The following SCHIP1 variants were observed in gnomAD, a reference collection of about 807,000 sequenced individuals.
SCHIP1 encodes the protein schwannomin-interacting protein 1.
SCHIP1 carries 8 observed loss-of-function variants against 29.7 expected under a neutral mutation model. That is an observed-to-expected ratio of 0.27 (90% CI 0.16 to 0.49). The LOEUF is 0.49. Among genes scored for constraint, SCHIP1 ranks in the 20% least tolerant of loss-of-function variants. The pLI, the probability that SCHIP1 is intolerant of heterozygous loss-of-function variation, is 0.99. For synonymous variants in SCHIP1, 76 were observed against 94.9 expected, an observed-to-expected ratio of 0.80 and a Z score of 1.16; for missense variants, 193 against 294.6, an observed-to-expected ratio of 0.66 and a Z score of 2.52.
At chr3:159,505,252 C>T in the SCHIP1 span, among the ~76,000 whole-genome samples, 1 of 152,108 alleles carries the variant, frequency 6.6e-6, no homozygotes, top group African/African-American at 2.4e-5. Context: ...CGTCAGCCTG[C>T]TTAAACATTT....
At chr3:159,471,819 A>G in the SCHIP1 span, among the ~76,000 whole-genome samples, 2 of 152,170 alleles carry the variant, frequency 1.3e-5, no homozygotes, top group Non-Finnish European at 2.9e-5. Flanking sequence ...CAACTTATGG[A>G]ACCATTTTAA....
chr3:159,600,386 C>G, the SCHIP1 span, among the ~76,000 whole-genome samples: 3 of 152,162 alleles, frequency 2.0e-5, no homozygotes, highest in Non-Finnish European at 4.4e-5. Flanking sequence ...TTTGCTCATA[C>G]TTTTTCATCA....
At chr3:159,347,029 T>C in the SCHIP1 span, among the ~76,000 whole-genome samples, 7 of 147,454 alleles carry the variant, frequency 4.7e-5, no homozygotes, top group Admixed American at 1.4e-4. Flanking sequence ...TTATTTTTTT[T>C]CCGCAGCTTC....
chr3:159,627,744 G>A, the SCHIP1 span, among the ~76,000 whole-genome samples: 2 of 152,322 alleles, frequency 1.3e-5, no homozygotes, highest in South Asian at 2.1e-4. Context: ...AAAATCTACT[G>A]GAGGGTTTCT....
the SCHIP1 span, among the ~76,000 whole-genome samples, chr3:159,806,110 A>G: frequency 5.9e-5 from 9 of 152,290 alleles, no homozygotes; most frequent in South Asian, 4.1e-4. Context: ...CGCCTGGCCA[A>G]TTGTATTCCT....
At chr3:159,680,657 TATAAAATATATATTATATATATA>T in the SCHIP1 span, among the ~76,000 whole-genome samples, 1 of 72,386 alleles carries the variant, frequency 1.4e-5, no homozygotes, top group African/African-American at 7.6e-5. Flanking sequence ...TATATGTATA[TATAAAATATATATTATATATATA>T]ATATATGTAT....
At chr3:159,395,896 A>ATCTG in the SCHIP1 span, among the ~76,000 whole-genome samples, 1 of 151,976 alleles carries the variant, frequency 6.6e-6, no homozygotes, top group Admixed American at 6.6e-5. Context: ...TGTCTCATTG[A>ATCTG]TCTGTCTAAT....
At chr3:159,525,093 G>A in the SCHIP1 span, among the ~76,000 whole-genome samples, 2 of 152,096 alleles carry the variant, frequency 1.3e-5, no homozygotes, top group African/African-American at 2.4e-5. Flanking sequence ...TGCATCCTCG[G>A]TGTTCACTCC....
the SCHIP1 span, among the ~76,000 whole-genome samples, chr3:159,538,033 G>A: frequency 6.6e-6 from 1 of 152,122 alleles, no homozygotes; most frequent in Non-Finnish European, 1.5e-5. Context: ...GATCAAAGGA[G>A]ATTAGCCATG....
the SCHIP1 span, among the ~76,000 whole-genome samples, chr3:159,425,064 C>T: frequency 1.3e-5 from 2 of 151,730 alleles, no homozygotes; most frequent in African/African-American, 2.4e-5. Context: ...AAAGGAACAA[C>T]CGGTACCAGC....
chr3:159,683,527 C>T, the SCHIP1 span, among the ~76,000 whole-genome samples: 1 of 152,146 alleles, frequency 6.6e-6, no homozygotes, highest in East Asian at 1.9e-4. Context: ...TGGCTCCTTT[C>T]GATCACCTCA....
At chr3:159,380,665 T>C in the SCHIP1 span, among the ~76,000 whole-genome samples, 324 of 152,256 alleles carry the variant, frequency 2.1e-3, no homozygotes, top group African/African-American at 7.1e-3. Flanking sequence ...AGTGCCAGGC[T>C]TTATATACAT....
the SCHIP1 span, among the ~76,000 whole-genome samples, chr3:159,302,061 T>C: frequency 6.6e-6 from 1 of 152,208 alleles, no homozygotes; most frequent in Non-Finnish European, 1.5e-5. Context: ...TATTTTAAAC[T>C]ATGGAAAGAA....
the SCHIP1 span, among the ~76,000 whole-genome samples, chr3:159,828,376 CAT>C: frequency 2.6e-5 from 2 of 75,710 alleles, no homozygotes; most frequent in East Asian, 3.7e-4. Context: ...TATATATATA[CAT>C]ATATATATAC....
chr3:159,772,687 C>G, the SCHIP1 span, among the ~76,000 whole-genome samples: 1 of 152,126 alleles, frequency 6.6e-6, no homozygotes, highest in Non-Finnish European at 1.5e-5. Context: ...GTAGTAATTC[C>G]AGGTCCTTTC....
chr3:159,678,796 G>A, the SCHIP1 span, among the ~76,000 whole-genome samples: 1 of 152,190 alleles, frequency 6.6e-6, no homozygotes, highest in African/African-American at 2.4e-5. Flanking sequence ...CGTGGTGGAA[G>A]GCACCTCTTC....
the SCHIP1 span, among the ~76,000 whole-genome samples, chr3:159,367,880 G>A: frequency 1.3e-5 from 2 of 152,044 alleles, no homozygotes; most frequent in Non-Finnish European, 2.9e-5. Context: ...CAAATGAATG[G>A]CATTAAAAAT....
At chr3:159,446,032 T>G in the SCHIP1 span, among the ~76,000 whole-genome samples, 2 of 151,410 alleles carry the variant, frequency 1.3e-5, no homozygotes, top group Admixed American at 1.3e-4. Context: ...ATAATAATAA[T>G]AATAATAATA....
the SCHIP1 span, among the ~76,000 whole-genome samples, chr3:159,406,742 G>T: frequency 2.0e-5 from 3 of 152,206 alleles, no homozygotes; most frequent in Non-Finnish European, 4.4e-5. Context: ...GTTAAAAAGT[G>T]GGGGGACAAA....
Sources: gnomAD v4.1 joint callset for allele counts (sites outside exome capture counted in the v4.1 genomes callset) on GRCh38, gnomAD v4.1.1 for gene constraint, MANE v1.5 for transcripts, NCBI Gene and HGNC (gene_info 2026-07-23, HGNC 2026-07-21) for gene names.